The following ATP6V0D1 variants were observed in gnomAD, a reference collection of about 807,000 sequenced individuals.
The protein encoded by ATP6V0D1 is ATPase H+ transporting V0 subunit d1.
In ATP6V0D1, 13 loss-of-function variants were observed where a neutral mutation model predicts 39.0. The ratio of observed to expected loss-of-function variants is 0.33; its 90% confidence interval spans 0.22 to 0.53. The LOEUF (loss-of-function observed/expected upper bound fraction) is 0.53. ATP6V0D1 is among the 20% of genes least tolerant of loss of function. The pLI is 0.94. For missense variants in ATP6V0D1, 272 were observed against 470.9 expected (o/e 0.58, Z 3.91); for synonymous variants, 191 against 191.2 (o/e 1.00, Z 0.01).
chr16:67,447,727 CTCCAA>C lies in ATP6V0D1; in HGVS notation c.303-3026_303-3022del, dbSNP rs779844841. ...GGGTTGGAGTTTAGGAAGCCACTTC[CTCCAA>C]GAAGCCTTCAGAGTCCCTAGCCAAC... On this transcript the variant is annotated intron_variant, in intron 2 of 7. Coordinates refer to ENST00000290949, the MANE Select transcript of ATP6V0D1 (RefSeq NM_004691.5). This position sits in a 1 kb window ranked among gnomAD's most constrained non-coding sequence, Gnocchi z 4.1. 6.6e-6 allele frequency among the ~76,000 whole-genome samples: 1 copy of C among 152,204 alleles called. No homozygotes were observed. The highest frequency in any genetic ancestry group is 1.5e-5 in the Non-Finnish European group (1 of 68,032).
intron 1 of ATP6V0D1, chr16:67,455,514 A>T (rs2041229204): frequency 6.6e-6 from 1 of 151,884 alleles, no homozygotes; most frequent in South Asian, 2.1e-4. Flanking sequence ...GTGAACTTCA[A>T]CCTCCTGAGG....
At chr16:67,443,531 G>A (rs540474002) in intron 3 of ATP6V0D1, 6 of 235,140 alleles carry the variant, frequency 2.6e-5, no homozygotes, top group Non-Finnish European at 4.2e-5. Flanking sequence ...CTGTGGATTC[G>A]GGGCCTAACG....
chr16:67,471,072 T>C (rs2041368965), intron 1 of ATP6V0D1, among the ~76,000 whole-genome samples: 1 of 152,232 alleles, frequency 6.6e-6, no homozygotes, highest in Non-Finnish European at 1.5e-5. Context: ...TGTTTATAAT[T>C]GACGTGTAAC....
At position 67,439,237 on chromosome 16, in the gene ATP6V0D1, C is replaced by T. The variant is rs377620348; in HGVS notation, c.639+37G>A. 17 of 1,613,942 alleles carry T rather than the reference C, an allele frequency of 1.1e-5. No individual in the cohort carries two copies. In the African/African-American group the frequency reaches 1.5e-4, roughly 14 times the overall value. ...CAGAGCCTCCCCAGGCCAGGGCTAG[C>T]GGGCACCAGCAGGCAGGAGGGCGGG... On this transcript the variant is annotated intron_variant, in intron 5 of 7. Coordinates refer to ENST00000290949, the MANE Select transcript of ATP6V0D1 (RefSeq NM_004691.5).
intron 1 of ATP6V0D1, among the ~76,000 whole-genome samples, chr16:67,461,660 G>A (rs1463418557): frequency 1.3e-5 from 2 of 152,182 alleles, no homozygotes; most frequent in Non-Finnish European, 2.9e-5. Context: ...CTCCTTCCTC[G>A]GTCCCTGGAC....
intron 1 of ATP6V0D1, among the ~76,000 whole-genome samples, chr16:67,466,009 T>C (rs1054129594): frequency 1.3e-5 from 2 of 152,062 alleles, no homozygotes; most frequent in Non-Finnish European, 2.9e-5. Flanking sequence ...GAGGATGGCA[T>C]TGTCCACAGC....
Position 67,458,141 on chromosome 16 carries a change from T to A in ATP6V0D1, c.131-4426A>T, listed in dbSNP as rs553107014. On this transcript the variant is annotated intron_variant, in intron 1 of 7. Coordinates refer to ENST00000290949, the MANE Select transcript of ATP6V0D1 (RefSeq NM_004691.5). ...GGCTTCTAAACCAGCTCTGGCCCTG[T>A]TGGAGAAACCTGGCTCCCAGACCCA... Among the ~76,000 whole-genome samples the A allele has an allele frequency of 2.6e-5, 4 of 152,116 alleles. No homozygotes were observed. In the South Asian group the frequency reaches 6.2e-4, roughly 24 times the overall value.
At chr16:67,473,390 C>T (rs2041390630) in intron 1 of ATP6V0D1, among the ~76,000 whole-genome samples, 2 of 152,088 alleles carry the variant, frequency 1.3e-5, no homozygotes, top group Non-Finnish European at 2.9e-5. Context: ...ACTCTGTCAC[C>T]CAGGCTGCAG....
At chr16:67,458,057 G>A (rs989322686) in intron 1 of ATP6V0D1, among the ~76,000 whole-genome samples, 4 of 152,216 alleles carry the variant, frequency 2.6e-5, no homozygotes, top group African/African-American at 9.6e-5. Context: ...CAGCCAAGAA[G>A]GCGACTTAGA....
chr16:67,469,744 T>C (rs1347030781), intron 1 of ATP6V0D1, among the ~76,000 whole-genome samples: 1 of 152,222 alleles, frequency 6.6e-6, no homozygotes. Flanking sequence ...TGTCCTAATT[T>C]TCCTTAAATA....
intron 1 of ATP6V0D1, among the ~76,000 whole-genome samples, chr16:67,473,984 A>G (rs977625444): frequency 1.3e-5 from 2 of 152,192 alleles, no homozygotes; most frequent in Non-Finnish European, 2.9e-5. Flanking sequence ...CACCCCAAAA[A>G]TAAAGCCCAT....
chr16:67,452,264 G>T (rs1225729307), intron 2 of ATP6V0D1: 1 of 1,535,596 alleles, frequency 6.5e-7, no homozygotes, highest in African/African-American at 1.4e-5. Context: ...GCAGCAAGGA[G>T]ACTCTCAGGA....
At chr16:67,475,950 C>A (rs1037154965) in intron 1 of ATP6V0D1, among the ~76,000 whole-genome samples, 1 of 152,128 alleles carries the variant, frequency 6.6e-6, no homozygotes, top group Non-Finnish European at 1.5e-5. Flanking sequence ...GCATCCCAGG[C>A]CAGATGGAGT....
chr16:67,480,062 A>G (rs1388978126), intron 1 of ATP6V0D1, among the ~76,000 whole-genome samples: 3 of 129,872 alleles, frequency 2.3e-5, no homozygotes, highest in African/African-American at 4.3e-5. Flanking sequence ...AGCCGGGCGT[A>G]GTGGCGGGCG....
At chr16:67,454,035 C>T (rs1001095727) in intron 1 of ATP6V0D1, among the ~76,000 whole-genome samples, 1 of 152,178 alleles carries the variant, frequency 6.6e-6, no homozygotes, top group Non-Finnish European at 1.5e-5. Flanking sequence ...CTTTGAAGCC[C>T]TTCTGTATGT....
chr16:67,475,398 A>C (rs149489262), intron 1 of ATP6V0D1, among the ~76,000 whole-genome samples: 1 of 152,332 alleles, frequency 6.6e-6, no homozygotes, highest in Non-Finnish European at 1.5e-5. Context: ...AAAGAGATGT[A>C]ATGGACAGAA....
chr16:67,457,429 C>G (rs1451265087), intron 1 of ATP6V0D1: 1 of 503,978 alleles, frequency 2.0e-6, no homozygotes, highest in African/African-American at 2.0e-5. Context: ...CCAGGACAGG[C>G]TTTTCAGATA....
intron 2 of ATP6V0D1, among the ~76,000 whole-genome samples, chr16:67,449,845 A>C (rs981023519): frequency 6.6e-6 from 1 of 152,212 alleles, no homozygotes; most frequent in South Asian, 2.1e-4. Flanking sequence ...TGTGCGGCTG[A>C]AGGCTGGCCA....
chr16:67,469,470 C>G lies in ATP6V0D1; in HGVS notation c.130+11487G>C, dbSNP rs893787985. ...TGGTCACCTGCTCACAGTGGCTATA[C>G]CTGGACAGGGGCCCTGCAGCTCTGG... On this transcript the variant is annotated intron_variant, in intron 1 of 7. Coordinates refer to ENST00000290949, the MANE Select transcript of ATP6V0D1 (RefSeq NM_004691.5). Among the ~76,000 whole-genome samples the G allele has an allele frequency of 2.0e-5, 3 of 152,304 alleles. No homozygotes were observed. In the East Asian group the frequency reaches 5.8e-4, roughly 29 times the overall value.
Sources: gnomAD v4.1 joint callset for allele counts (sites outside exome capture counted in the v4.1 genomes callset) on GRCh38, gnomAD v4.1.1 for gene constraint, Gnocchi (gnomAD v3.1) non-coding constraint, MANE v1.5 for transcripts, NCBI Gene and HGNC (gene_info 2026-07-23, HGNC 2026-07-21) for gene names.